PDZRN3: variants seen among roughly 807,000 people sequenced by gnomAD.
PDZRN3 encodes PDZ domain containing ring finger 3.
Under a neutral mutation model 85.7 loss-of-function variants are expected in PDZRN3, and 38 were observed. That is an observed-to-expected ratio of 0.44 (90% CI 0.34 to 0.58). The LOEUF (loss-of-function observed/expected upper bound fraction) is 0.58. Among genes scored for constraint, PDZRN3 ranks in the 20% least tolerant of loss-of-function variants. The pLI is 0.01. For missense variants in PDZRN3, 1,629 were observed against 1,506.4 expected, an observed-to-expected ratio of 1.08 and a Z score of -1.35; for synonymous variants, 759 against 638.0, an observed-to-expected ratio of 1.19 and a Z score of -2.86.
At chr3:73,424,496 C>G (rs1046396874) in intron 3 of PDZRN3, among the ~76,000 whole-genome samples, 3 of 134,552 alleles carry the variant, frequency 2.2e-5, no homozygotes, top group African/African-American at 8.5e-5. Context: ...AAGCTGAGAT[C>G]GTGCCACTGC....
intron 3 of PDZRN3, among the ~76,000 whole-genome samples, chr3:73,567,825 T>C (rs1701976440): frequency 6.6e-6 from 1 of 152,190 alleles, no homozygotes; most frequent in African/African-American, 2.4e-5. Flanking sequence ...GTCAGGCACC[T>C]CCCTAGGGCA....
chr3:73,621,558 T>C (rs935586087), intron 1 of PDZRN3, among the ~76,000 whole-genome samples: 4 of 152,190 alleles, frequency 2.6e-5, no homozygotes, highest in Admixed American at 6.5e-5. Context: ...AGGAGTTTTA[T>C]GGTTGACCCA....
At chr3:73,588,443 G>C (rs1702308254) in intron 3 of PDZRN3, among the ~76,000 whole-genome samples, 1 of 152,184 alleles carries the variant, frequency 6.6e-6, no homozygotes, top group African/African-American at 2.4e-5. Flanking sequence ...CTCATCCTAA[G>C]TGTACATCTT....
intron 4 of PDZRN3, chr3:73,402,452 C>G (rs983128150): frequency 1.3e-5 from 2 of 152,240 alleles, no homozygotes; most frequent in African/African-American, 4.8e-5. Context: ...ACCTGCCTTT[C>G]CATCAGCTCA....
At chr3:73,479,536 G>A (rs892476586) in intron 3 of PDZRN3, among the ~76,000 whole-genome samples, 4 of 152,202 alleles carry the variant, frequency 2.6e-5, no homozygotes, top group South Asian at 2.1e-4. Flanking sequence ...ACCCTTCATC[G>A]GTGCATGGCT....
chr3:73,404,544 T>C, intron 3 of PDZRN3, 149 bp from the exon 4 acceptor site: 1 of 750,776 alleles, frequency 1.3e-6, no homozygotes, highest in Non-Finnish European at 2.1e-6. Context: ...GTGTTTAGGT[T>C]TCCCGAAGAA....
rs547921713 is a variant in PDZRN3, at chr3:73,382,962, A to G, written c.*403T>C. The G allele has an allele frequency of 6.1e-6, 1 of 165,052 alleles. No homozygotes were observed. Among genetic ancestry groups the G allele is most frequent in the Non-Finnish European group, 1.3e-5 (1 of 75,164 alleles). 10.2% of individuals were successfully genotyped at this position (165,052 alleles called of 1,614,324 possible). On this transcript the variant is annotated 3_prime_UTR_variant, in exon 10 of 10. Coordinates refer to ENST00000263666, the MANE Select transcript of PDZRN3 (RefSeq NM_015009.3). ...ATTATAAAATAGGGTTCCATTAAAAATACATACTGGCAGTTGTATTTGTGT... is the reference window on the plus strand; with the variant it reads ...ATTATAAAATAGGGTTCCATTAAAAGTACATACTGGCAGTTGTATTTGTGT...
chr3:73,615,189 C>T (rs184312038), intron 1 of PDZRN3, among the ~76,000 whole-genome samples: 37 of 152,188 alleles, frequency 2.4e-4, no homozygotes, highest in African/African-American at 8.4e-4. Flanking sequence ...TATGAGAAGA[C>T]GTTTCAGTAC....
intron 3 of PDZRN3, among the ~76,000 whole-genome samples, chr3:73,418,745 T>C (rs189800883): frequency 6.6e-5 from 10 of 152,320 alleles, no homozygotes; most frequent in Admixed American, 2.0e-4. Flanking sequence ...TACATGGTAG[T>C]GTTGCCTCAG....
chr3:73,429,402 T>C (rs1435311834), intron 3 of PDZRN3, among the ~76,000 whole-genome samples: 1 of 152,228 alleles, frequency 6.6e-6, no homozygotes, highest in Non-Finnish European at 1.5e-5. Context: ...CCGTCATTAA[T>C]TGGGTCCATA....
chr3:73,447,243 G>C (rs1702768653), intron 3 of PDZRN3, among the ~76,000 whole-genome samples: 1 of 151,800 alleles, frequency 6.6e-6, no homozygotes, highest in Non-Finnish European at 1.5e-5. Context: ...CAGTTGCACT[G>C]CTTCTCTTAG....
intron 3 of PDZRN3, among the ~76,000 whole-genome samples, chr3:73,570,775 G>T (rs1702034539): frequency 6.6e-6 from 1 of 152,170 alleles, no homozygotes; most frequent in Admixed American, 6.5e-5. Flanking sequence ...GAAAAGAGGA[G>T]GAGGAGAAGG....
Position 73,624,555 on chromosome 3 carries a change from G to A in PDZRN3, c.271C>T (p.Arg91Trp), listed in dbSNP as rs779506162. 4.6e-6 allele frequency: 7 copies of A among 1,522,124 alleles called. No homozygotes were observed. Among genetic ancestry groups the A allele is most frequent in the South Asian group, 1.2e-5 (1 of 80,640 alleles). 94.3% of individuals were successfully genotyped at this position (1,522,124 alleles called of 1,614,324 possible). A position where few individuals can be genotyped will look rare whatever the true frequency, so the allele number is the denominator to read the frequency against. Residue 91 changes from arginine to tryptophan, a missense_variant, in exon 1 of 10, where the codon CGG becomes TGG. By Grantham distance (101) the Arg-to-Trp change is moderately radical. Transcript: ENST00000263666. ...GGCAGCTGCTGCAGCTTGACCACCC[G>A]GCCGCAGCCGCGCGTCGCGTACGCG... is the stretch of plus-strand genomic sequence containing the variant. The part of the protein sequence containing the change: ...KCAYATRGCG[R>W]VVKLQQLPEH...
At position 73,404,358 on chromosome 3, in the gene PDZRN3, T is replaced by C; in HGVS notation, c.956A>G (p.Gln319Arg). The C allele has an allele frequency of 6.2e-7, 1 of 1,614,154 alleles. No homozygotes were observed. The highest frequency in any genetic ancestry group is 8.5e-7 in the Non-Finnish European group (1 of 1,179,990). The change falls in exon 4 of 10, where the codon CAG becomes CGG. Residue 319 changes from glutamine to arginine, a missense_variant. By Grantham distance (43) the Gln-to-Arg change is conservative. Coordinates refer to ENST00000263666, the MANE Select transcript of PDZRN3 (RefSeq NM_015009.3). Reference protein sequence around the residue: ...GRDLSRATHDQAVEAFKTAKE... With the variant: ...GRDLSRATHDRAVEAFKTAKE... ...GGCTGTCTTGAAAGCTTCCACAGCC[T>C]GGTCATGAGTTGCTCTGGATAAGTC...
chr3:73,563,363 A>G (rs1188874581), intron 3 of PDZRN3, among the ~76,000 whole-genome samples: 1 of 151,936 alleles, frequency 6.6e-6, no homozygotes, highest in East Asian at 1.9e-4. Flanking sequence ...TTTAAAAAAA[A>G]GATGATGAAC....
At chr3:73,587,501 A>G (rs1022498845) in intron 3 of PDZRN3, among the ~76,000 whole-genome samples, 1 of 152,238 alleles carries the variant, frequency 6.6e-6, no homozygotes, top group Non-Finnish European at 1.5e-5. Context: ...ATGTATAAAG[A>G]TAGTATAGTT....
chr3:73,597,870 G>T (rs116491394), intron 3 of PDZRN3, among the ~76,000 whole-genome samples: 7 of 152,132 alleles, frequency 4.6e-5, no homozygotes, highest in African/African-American at 1.7e-4. Flanking sequence ...TTTGTCAAAT[G>T]AGGTATTCAC....
At chr3:73,433,830 C>A (rs1702479767) in intron 3 of PDZRN3, 1 of 1,464,154 alleles carries the variant, frequency 6.8e-7, no homozygotes. Context: ...GACTGCAACG[C>A]TTCACATTGG....
chr3:73,482,512 C>G (rs1204242509), intron 3 of PDZRN3, among the ~76,000 whole-genome samples: 4 of 152,196 alleles, frequency 2.6e-5, no homozygotes, highest in Non-Finnish European at 5.9e-5. Flanking sequence ...CATTTACTAC[C>G]TGGCTCATCT....
Sources: allele counts gnomAD v4.1 joint callset (sites outside exome capture counted in the v4.1 genomes callset), GRCh38; gene constraint gnomAD v4.1.1; transcripts MANE v1.5; gene names NCBI Gene and HGNC (gene_info 2026-07-23, HGNC 2026-07-21).